FCRL2: variants seen among roughly 807,000 people sequenced by gnomAD.
FCRL2 encodes Fc receptor like 2.
A neutral mutation model predicts 59.8 loss-of-function variants in FCRL2; 48 were observed. The observed-to-expected ratio is 0.80, with a 90% CI of 0.64 to 1.02. The LOEUF (loss-of-function observed/expected upper bound fraction) is 1.02, where lower values mean the gene tolerates loss of function less well. FCRL2 is among the 50% of genes least tolerant of loss of function. The probability of loss-of-function intolerance (pLI) is 0.00; values close to 1 mark genes in which losing one functional copy is unlikely to be tolerated. For synonymous variants in FCRL2, 251 were observed against 229.5 expected, an observed-to-expected ratio of 1.09 and a Z score of -0.85; for missense variants, 658 against 597.3, an observed-to-expected ratio of 1.10 and a Z score of -1.06.
chr1:157,770,698 A>C, intron 2 of FCRL2, 32 bp from the exon 3 acceptor site: 2 of 1,612,120 alleles, frequency 1.2e-6, no homozygotes, highest in Non-Finnish European at 1.7e-6. Context: ...CGGATTTGCC[A>C]TTTCTGCAGA....
intron 7 of FCRL2, among the ~76,000 whole-genome samples, chr1:157,765,569 G>A (rs1164324568): frequency 6.6e-6 from 1 of 152,224 alleles, no homozygotes; most frequent in Non-Finnish European, 1.5e-5. Context: ...GGCTCAGGGA[G>A]AAAAACCTAA....
intron 7 of FCRL2, among the ~76,000 whole-genome samples, chr1:157,760,999 A>T (rs944217690): frequency 1.3e-5 from 2 of 152,240 alleles, no homozygotes; most frequent in African/African-American, 4.8e-5. Context: ...AATGTTTACT[A>T]TGTGGAAGAA....
intron 7 of FCRL2, among the ~76,000 whole-genome samples, chr1:157,761,843 T>C (rs1482560938): frequency 6.6e-6 from 1 of 152,076 alleles, no homozygotes; most frequent in Non-Finnish European, 1.5e-5. Flanking sequence ...CACGGCAGCT[T>C]AAGGAATATG....
At chr1:157,774,761 C>A (rs1302843807) in intron 2 of FCRL2, among the ~76,000 whole-genome samples, 1 of 152,162 alleles carries the variant, frequency 6.6e-6, no homozygotes, top group Non-Finnish European at 1.5e-5. Flanking sequence ...TGCTCCTGAG[C>A]AAGTTCCAGG....
chr1:157,767,951 G>A (rs1025469721), intron 5 of FCRL2: 4 of 274,610 alleles, frequency 1.5e-5, no homozygotes, highest in African/African-American at 4.4e-5. Context: ...GAATGGAAAT[G>A]GCTACTTGGC....
chr1:157,775,821 T>C, intron 1 of FCRL2, 26 bp from the exon 2 acceptor site: 1 of 1,613,520 alleles, frequency 6.2e-7, no homozygotes, highest in Non-Finnish European at 8.5e-7. Context: ...AAGCCAGAGA[T>C]TAGCACACAG....
intron 7 of FCRL2, 91 bp from the exon 8 acceptor site, chr1:157,749,768 T>A: frequency 1.1e-6 from 1 of 924,242 alleles, no homozygotes. Context: ...AATCAGCTGG[T>A]AAGACATAAG....
intron 7 of FCRL2, among the ~76,000 whole-genome samples, chr1:157,766,030 C>A (rs1443973597): frequency 6.6e-6 from 1 of 152,124 alleles, no homozygotes; most frequent in Non-Finnish European, 1.5e-5. Flanking sequence ...CAAACTATGG[C>A]CAGCATCAAT....
At chr1:157,751,813 T>A (rs764184887) in intron 7 of FCRL2, among the ~76,000 whole-genome samples, 1 of 152,198 alleles carries the variant, frequency 6.6e-6, no homozygotes, top group African/African-American at 2.4e-5. Context: ...CATCACAAGA[T>A]GCAGGTAGGT....
In FCRL2 at chr1:157,768,577, G is replaced by A; in HGVS notation, c.720C>T (p.Tyr240=). ...GGTGNVTFSW[Y]REATGTSMGK... is the part of the protein sequence containing the mutation. ...CCATACTGGTTCCTGTGGCCTCTCT[G>A]TACCAGGAGAATGTGACATTTCCTG... Residue 240 remains tyrosine (Y), a synonymous_variant, in exon 5 of 12, where the codon TAC becomes TAT. Transcript: ENST00000361516. 12 of 1,614,146 alleles carry A rather than the reference G, an allele frequency of 7.4e-6. No individual in the cohort carries two copies. The highest frequency in any genetic ancestry group is 9.3e-6 in the Non-Finnish European group (11 of 1,180,028).
intron 7 of FCRL2, among the ~76,000 whole-genome samples, chr1:157,761,299 C>A (rs924185032): frequency 2.0e-5 from 3 of 152,156 alleles, no homozygotes; most frequent in African/African-American, 7.2e-5. Flanking sequence ...CACTTAAATT[C>A]CCCAAGGTTG....
chr1:157,768,692 A>T lies in FCRL2; in HGVS notation c.605T>A (p.Ile202Asn), dbSNP rs16839100. The T allele has an allele frequency of 3.0e-3, 4,862 of 1,609,314 alleles. 115 individuals carry two copies. In the African/African-American group the frequency reaches 0.057, roughly 19 times the overall value. The part of the protein sequence containing the change: ...QSQIHVQRIP[I>N]SNVSLEIRAP... ...CCGGATCTCCAAGCTTACATTAGAG[A>T]TGGGGATTCCTAGATGGATATAAGA... Residue 202 changes from isoleucine to asparagine, a missense_variant, in exon 5 of 12, where the codon ATC (isoleucine) becomes AAC (asparagine). Physicochemically the swap from Ile to Asn is moderately radical, Grantham distance 149. Transcript: ENST00000361516.
intron 1 of FCRL2, 21 bp from the exon 2 acceptor site, chr1:157,775,816 A>G (rs1650366751): frequency 6.2e-7 from 1 of 1,613,624 alleles, no homozygotes; most frequent in African/African-American, 1.3e-5. Flanking sequence ...ATCAAAAGCC[A>G]GAGATTAGCA....
At chr1:157,757,795 T>C (rs1009272002) in intron 7 of FCRL2, among the ~76,000 whole-genome samples, 2 of 152,146 alleles carry the variant, frequency 1.3e-5, no homozygotes, top group African/African-American at 2.4e-5. Context: ...ACCCCGTCTC[T>C]ACTAAAAATA....
At position 157,768,656 on chromosome 1, in the gene FCRL2, C is replaced by A. The variant is rs754969665; in HGVS notation, c.641G>T (p.Gly214Val). The change falls in exon 5 of 12, where the codon GGA (glycine) becomes GTA (valine). Residue 214 changes from glycine to valine, a missense_variant. By Grantham distance (109) the Gly-to-Val change is moderately radical. Transcript: ENST00000361516. ...NVSLEIRAPGGQVTEGQKLIL... is the reference protein window; with the variant it reads ...NVSLEIRAPGVQVTEGQKLIL... ...CAGTTTTTGTCCTTCAGTCACCTGTCCCCCGGGGGCCCGGATCTCCAAGCT... is the reference window on the plus strand; with the variant it reads ...CAGTTTTTGTCCTTCAGTCACCTGTACCCCGGGGGCCCGGATCTCCAAGCT... 2.5e-6 allele frequency: 4 copies of A among 1,613,880 alleles called. No homozygotes were observed. The highest frequency in any genetic ancestry group is 2.5e-6 in the Non-Finnish European group (3 of 1,179,858).
chr1:157,754,981 G>T (rs1648477588), intron 7 of FCRL2, among the ~76,000 whole-genome samples: 1 of 150,970 alleles, frequency 6.6e-6, no homozygotes, highest in Non-Finnish European at 1.5e-5. Flanking sequence ...AAAAAGAAAA[G>T]AAAAGAAAAA....
At chr1:157,753,064 A>T (rs1648319929) in intron 7 of FCRL2, among the ~76,000 whole-genome samples, 1 of 152,196 alleles carries the variant, frequency 6.6e-6, no homozygotes, top group African/African-American at 2.4e-5. Context: ...TGACATACAC[A>T]CAAACAGAAT....
chr1:157,757,409 C>T (rs940789595), intron 7 of FCRL2, among the ~76,000 whole-genome samples: 1 of 152,008 alleles, frequency 6.6e-6, no homozygotes, highest in African/African-American at 2.4e-5. Flanking sequence ...AAGGGTACAG[C>T]AAACAACCAT....
At chr1:157,758,644 C>A (rs868374377) in intron 7 of FCRL2, among the ~76,000 whole-genome samples, 1 of 110,848 alleles carries the variant, frequency 9.0e-6, no homozygotes, top group South Asian at 2.7e-4. Flanking sequence ...TCATTTGGAA[C>A]CAAAAAAGAG....
Sources: gnomAD v4.1 joint callset for allele counts (sites outside exome capture counted in the v4.1 genomes callset) on GRCh38, gnomAD v4.1.1 for gene constraint, MANE v1.5 for transcripts, NCBI Gene and HGNC (gene_info 2026-07-23, HGNC 2026-07-21) for gene names.